The following C6 variants were observed in gnomAD, a reference collection of about 807,000 sequenced individuals.
The protein encoded by C6 is complement C6, also known as complement component C6.
In C6, 101 loss-of-function variants were observed where a neutral mutation model predicts 112.9. The ratio of observed to expected loss-of-function variants is 0.89; its 90% confidence interval spans 0.76 to 1.06. The LOEUF is 1.06. Ranked by LOEUF, C6 falls within the 50% of genes least tolerant of loss-of-function variation. The pLI, the probability that C6 is intolerant of heterozygous loss-of-function variation, is 0.00. For synonymous variants in C6, 431 were observed against 384.1 expected, an observed-to-expected ratio of 1.12 and a Z score of -1.43; for missense variants, 1,202 against 1,104.6, an observed-to-expected ratio of 1.09 and a Z score of -1.25.
At chr5:41,188,104 A>G (rs1749923641) in intron 5 of C6, among the ~76,000 whole-genome samples, 1 of 152,214 alleles carries the variant, frequency 6.6e-6, no homozygotes, top group Non-Finnish European at 1.5e-5. Context: ...ACTGAAAAGT[A>G]TAAACAATGT....
intron 1 of C6, among the ~76,000 whole-genome samples, chr5:41,233,010 T>A: frequency 6.6e-6 from 1 of 152,116 alleles, no homozygotes; most frequent in Non-Finnish European, 1.5e-5. Context: ...TTCTGCTTTG[T>A]ATGCATATAT....
chr5:41,165,443 A>G (rs1211631222), intron 9 of C6, among the ~76,000 whole-genome samples: 1 of 152,108 alleles, frequency 6.6e-6, no homozygotes, highest in Non-Finnish European at 1.5e-5. Flanking sequence ...ATACTTGTTA[A>G]TTTAAATTTT....
intron 15 of C6, among the ~76,000 whole-genome samples, chr5:41,151,125 G>GA (rs552066997): frequency 1.2e-4 from 19 of 152,112 alleles, no homozygotes; most frequent in Non-Finnish European, 2.4e-4. Context: ...CCTCGATTTT[G>GA]AAAAAAAGAA....
intron 9 of C6, among the ~76,000 whole-genome samples, chr5:41,168,639 C>CT (rs148936156): frequency 0.024 from 3,579 of 152,134 alleles, 62 homozygotes; most frequent in Admixed American, 0.058. Context: ...AAAGGGCACC[C>CT]TTTTTTTCAG....
intron 1 of C6, among the ~76,000 whole-genome samples, chr5:41,227,839 T>C (rs1360929172): frequency 6.6e-6 from 1 of 152,166 alleles, no homozygotes; most frequent in Non-Finnish European, 1.5e-5. Flanking sequence ...GGTTTGTTTT[T>C]ATGCTTGTGC....
At chr5:41,190,383 A>G (rs1323813558) in intron 5 of C6, among the ~76,000 whole-genome samples, 1 of 152,116 alleles carries the variant, frequency 6.6e-6, no homozygotes, top group Admixed American at 6.6e-5. Context: ...ATTTTAAAAT[A>G]TATTTGTTGG....
intron 1 of C6, among the ~76,000 whole-genome samples, chr5:41,207,141 A>C (rs1177156278): frequency 2.0e-5 from 3 of 152,196 alleles, no homozygotes; most frequent in Non-Finnish European, 4.4e-5. Flanking sequence ...TCATAAGTGA[A>C]GGAGAAATAA....
intron 1 of C6, among the ~76,000 whole-genome samples, chr5:41,257,982 A>G (rs374724109): frequency 6.6e-6 from 1 of 152,182 alleles, no homozygotes; most frequent in Non-Finnish European, 1.5e-5. Context: ...ATAGAAAAAA[A>G]TCTTTTTACA....
rs1412266338 is a variant in C6 at position 41,176,636 on chromosome 5, T to A, written c.1007A>T (p.Asp336Val). ...TTKAKDLHLS[D>V]VFLKALNHLP... ...ATGGTTAAGTGCTTTCAAAAAGACA[T>A]CAGAAAGGTGCAGATCTTTAGCTTT... Residue 336 changes from aspartate (D) to valine (V), a missense_variant, in exon 8 of 18, where the codon GAT becomes GTT. By Grantham distance (152) the Asp-to-Val change is radical. Transcript: ENST00000337836. 6.2e-7 allele frequency: 1 copy of A among 1,613,736 alleles called. No individual in the cohort carries two copies. Among genetic ancestry groups the A allele is most frequent in the African/African-American group, 1.3e-5 (1 of 74,900 alleles).
intron 1 of C6, among the ~76,000 whole-genome samples, chr5:41,207,123 A>C (rs1432539247): frequency 6.6e-6 from 1 of 152,206 alleles, no homozygotes; most frequent in Non-Finnish European, 1.5e-5. Context: ...ATCCAGCCAA[A>C]CTAAGCTTCA....
rs1024462690 is a variant in C6 at position 41,181,580 on chromosome 5, A to G, written c.727-21T>C. 2.5e-6 allele frequency: 4 copies of G among 1,583,982 alleles called. No individual in the cohort carries two copies. The African/African-American group carries it at 5.4e-5, about 21-fold the overall frequency. On this transcript the variant is annotated intron_variant, in intron 6 of 17. Coordinates refer to ENST00000337836, the MANE Select transcript of C6 (RefSeq NM_000065.5). ...TGTACCTGGAGAAAAATCCATGTAAAATAAAATATAATTTAGGAAATACTG... is the reference window on the plus strand; with the variant it reads ...TGTACCTGGAGAAAAATCCATGTAAGATAAAATATAATTTAGGAAATACTG...
At chr5:41,240,924 G>T (rs529025530) in intron 1 of C6, among the ~76,000 whole-genome samples, 1 of 152,142 alleles carries the variant, frequency 6.6e-6, no homozygotes, top group Non-Finnish European at 1.5e-5. Context: ...TTGCGTGCTC[G>T]GATGACCGGC....
intron 9 of C6, among the ~76,000 whole-genome samples, chr5:41,163,525 A>G (rs996852021): frequency 2.6e-5 from 4 of 151,914 alleles, no homozygotes; most frequent in Non-Finnish European, 4.4e-5. Flanking sequence ...GTTGGCCAGG[A>G]TGGTCTTGGT....
chr5:41,182,141 C>G (rs1254910859), intron 6 of C6, among the ~76,000 whole-genome samples: 1 of 152,120 alleles, frequency 6.6e-6, no homozygotes, highest in Non-Finnish European at 1.5e-5. Context: ...TACAACTACT[C>G]TAGTCTCTTT....
At chr5:41,248,745 C>G (rs1741168943) in intron 1 of C6, among the ~76,000 whole-genome samples, 1 of 152,172 alleles carries the variant, frequency 6.6e-6, no homozygotes, top group Admixed American at 6.5e-5. Flanking sequence ...AGTTCAGCCA[C>G]AGTGGAAAGC....
At chr5:41,177,182 T>C (rs1448575543) in intron 7 of C6, among the ~76,000 whole-genome samples, 1 of 152,214 alleles carries the variant, frequency 6.6e-6, no homozygotes, top group African/African-American at 2.4e-5. Context: ...GCGTTTCGAT[T>C]CTCTAGACTT....
rs1031655789 is a variant in C6, at chr5:41,142,719, A to G, written c.*106T>C. On this transcript the variant is annotated 3_prime_UTR_variant, in exon 18 of 18. Transcript: ENST00000337836. ...TAACAGAAAATAATTTTTGTCAGTA[A>G]CTTTGAGCATGCCAGTCTGCTGTTT... 1 of 893,772 alleles carries G rather than the reference A, an allele frequency of 1.1e-6. No homozygotes were observed. The highest frequency in any genetic ancestry group is 1.9e-6 in the Non-Finnish European group (1 of 530,868). 55.4% of individuals were successfully genotyped at this position (893,772 alleles called of 1,614,324 possible). A position where few individuals can be genotyped will look rare whatever the true frequency, so the allele number is the denominator to read the frequency against.
chr5:41,181,705 T>C, intron 6 of C6, 146 bp from the exon 7 acceptor site: 2 of 722,864 alleles, frequency 2.8e-6, no homozygotes, highest in Non-Finnish European at 4.7e-6. Flanking sequence ...AAGAATAGTG[T>C]TATTTCCTGC....
intron 1 of C6, among the ~76,000 whole-genome samples, chr5:41,253,509 T>C (rs1741493007): frequency 6.6e-6 from 1 of 152,230 alleles, no homozygotes; most frequent in South Asian, 2.1e-4. Context: ...CTTGGGATTT[T>C]CCTCCTTTTC....
Sources: gnomAD v4.1 joint callset for allele counts (sites outside exome capture counted in the v4.1 genomes callset) on GRCh38, gnomAD v4.1.1 for gene constraint, MANE v1.5 for transcripts, NCBI Gene and HGNC (gene_info 2026-07-23, HGNC 2026-07-21) for gene names.